Variants in ABLIM2 observed in about 807,000 individuals in gnomAD.
ABLIM2 encodes actin-binding LIM protein 2.
ABLIM2 carries 53 observed loss-of-function variants against 97.7 expected under a neutral mutation model. The observed-to-expected ratio is 0.54, with a 90% CI of 0.44 to 0.68. The LOEUF is 0.68. Among genes scored for constraint, ABLIM2 ranks in the 30% least tolerant of loss-of-function variants. ABLIM2 has a pLI of 0.00. For missense variants in ABLIM2, 835 were observed against 867.2 expected, an observed-to-expected ratio of 0.96 and a Z score of 0.47; for synonymous variants, 361 against 345.8, an observed-to-expected ratio of 1.04 and a Z score of -0.49.
chr4:8,062,018 G>A (rs930569818), intron 6 of ABLIM2, among the ~76,000 whole-genome samples: 6 of 151,666 alleles, frequency 4.0e-5, no homozygotes, highest in Non-Finnish European at 8.8e-5. Flanking sequence ...GCCAACCTCC[G>A]GGCCAGGTGA....
chr4:8,006,772 A>G (rs1761633942), intron 16 of ABLIM2, among the ~76,000 whole-genome samples: 1 of 152,182 alleles, frequency 6.6e-6, no homozygotes, highest in Non-Finnish European at 1.5e-5. Context: ...CGCGTGGACC[A>G]GCCCCATAGC....
At chr4:8,006,884 G>GT in intron 16 of ABLIM2, 1 of 390,558 alleles carries the variant, frequency 2.6e-6, no homozygotes, top group African/African-American at 2.2e-5. Context: ...TGCAGGGGGG[G>GT]GGTGGCTTTC....
At chr4:8,017,361 A>G (rs1042306503) in intron 14 of ABLIM2, among the ~76,000 whole-genome samples, 16 of 151,370 alleles carry the variant, frequency 1.1e-4, no homozygotes, top group African/African-American at 3.9e-4. Context: ...ATCCCGGCTC[A>G]CTGCAACTTC....
intron 3 of ABLIM2, among the ~76,000 whole-genome samples, chr4:8,094,537 C>T (rs576264024): frequency 1.3e-5 from 2 of 152,302 alleles, no homozygotes; most frequent in South Asian, 4.1e-4. Context: ...GGTAATCAGA[C>T]AGGAACAGAA....
intron 17 of ABLIM2, among the ~76,000 whole-genome samples, chr4:7,991,989 C>T (rs934615852): frequency 6.6e-6 from 1 of 152,114 alleles, no homozygotes; most frequent in African/African-American, 2.4e-5. Context: ...TTAGTGGCCT[C>T]GGTTGAGAGG....
chr4:8,118,179 T>C (rs1843634630), intron 1 of ABLIM2, among the ~76,000 whole-genome samples: 1 of 152,230 alleles, frequency 6.6e-6, no homozygotes. Flanking sequence ...GGCTGGACCC[T>C]GAGCCCAGCA....
Position 8,097,067 on chromosome 4 carries a change from G to C in ABLIM2, c.338+32C>G. ...AAGGAGAAAAGGCCCAGAGAGGCAG[G>C]GGAAGCAGAGGCCAGGTGCCCACTT... On this transcript the variant is annotated intron_variant, in intron 3 of 20. Coordinates refer to ENST00000447017, the MANE Select transcript of ABLIM2 (RefSeq NM_001130083.2). The C allele has an allele frequency of 3.2e-6, 5 of 1,580,006 alleles. No individual in the cohort carries two copies. In the South Asian group the frequency reaches 4.6e-5, roughly 15 times the overall value.
rs1820776999 is a variant in ABLIM2, at chr4:8,082,815, C to T, written c.455-2013G>A. 6.6e-6 allele frequency among the ~76,000 whole-genome samples: 1 copy of T among 152,178 alleles called. No individual in the cohort carries two copies. Among genetic ancestry groups the T allele is most frequent in the Non-Finnish European group, 1.5e-5 (1 of 68,032 alleles). On this transcript the variant is annotated intron_variant, in intron 4 of 20. Coordinates refer to ENST00000447017, the MANE Select transcript of ABLIM2 (RefSeq NM_001130083.2). This position sits in a 1 kb window ranked among gnomAD's most constrained non-coding sequence, Gnocchi z 5.6. ...CCTTCTCAAGTCCAGGAGGCGACCC[C>T]CACATCACCCAATCTGCCGCGCTCC...
chr4:8,136,770 C>A (rs1474410285), intron 1 of ABLIM2, among the ~76,000 whole-genome samples: 3 of 152,262 alleles, frequency 2.0e-5, no homozygotes, highest in Non-Finnish European at 2.9e-5. Flanking sequence ...CTGCCTAGTG[C>A]CATGTCCTGC....
chr4:8,138,118 T>A (rs1272271229), intron 1 of ABLIM2, among the ~76,000 whole-genome samples: 1 of 152,022 alleles, frequency 6.6e-6, no homozygotes, highest in African/African-American at 2.4e-5. Context: ...AGTTGTTGAA[T>A]CCACAGAGAC....
At chr4:8,154,985 C>T (rs1051637017) in intron 1 of ABLIM2, among the ~76,000 whole-genome samples, 1 of 152,200 alleles carries the variant, frequency 6.6e-6, no homozygotes, top group Non-Finnish European at 1.5e-5. Context: ...CACCAGCTAT[C>T]GCCAGCCTTA....
Position 7,999,773 on chromosome 4 carries a change from C to T in ABLIM2, c.1619-6846G>A, listed in dbSNP as rs746103804. ...AGGCTCTGCAGGCACCAGAGGCCTA[C>T]CCACTCCATGCCCAGGCTCAGCCAA... is the stretch of plus-strand genomic sequence containing the variant. On this transcript the variant is annotated intron_variant, in intron 16 of 20. Transcript: ENST00000447017. This position sits in a 1 kb window ranked among gnomAD's most constrained non-coding sequence, Gnocchi z 4.4. Among the ~76,000 whole-genome samples, 2 of 152,192 alleles carry T rather than the reference C, an allele frequency of 1.3e-5. No individual in the cohort carries two copies.
chr4:8,067,767 G>C lies in ABLIM2; in HGVS notation c.676-6713C>G, dbSNP rs1009226132. The C allele has an allele frequency of 3.3e-5, 5 of 152,300 alleles. No homozygotes were observed. Among genetic ancestry groups the C allele is most frequent in the African/African-American group, 1.2e-4 (5 of 41,476 alleles). 9.4% of individuals were successfully genotyped at this position (152,300 alleles called of 1,614,324 possible). Reference sequence around the variant, plus strand: ...CCATGGAGGTGACAGATTCCAGCCTGAGATTCTCTCTTCCTGGCTGTGTGA... The same window carrying C: ...CCATGGAGGTGACAGATTCCAGCCTCAGATTCTCTCTTCCTGGCTGTGTGA... On this transcript the variant is annotated intron_variant, in intron 6 of 20. Transcript: ENST00000447017. The surrounding 1 kb of genome is among the most constrained non-coding windows in gnomAD (Gnocchi z 5.4).
chr4:8,041,159 G>A (rs1466723834), intron 9 of ABLIM2, among the ~76,000 whole-genome samples: 2 of 152,252 alleles, frequency 1.3e-5, no homozygotes, highest in Non-Finnish European at 2.9e-5. Flanking sequence ...CCTGGGTCAA[G>A]TGCATGCCCC....
chr4:8,097,715 G>GT (rs1355234439), intron 2 of ABLIM2, among the ~76,000 whole-genome samples: 2 of 152,140 alleles, frequency 1.3e-5, no homozygotes, highest in Non-Finnish European at 2.9e-5. Flanking sequence ...GCTAGACTCT[G>GT]TGCTGGGGGC....
chr4:8,032,535 AT>A lies in ABLIM2; in HGVS notation c.1048-2760del. 7.2e-7 allele frequency: 1 copy of A among 1,397,984 alleles called. No individual in the cohort carries two copies. The highest frequency in any genetic ancestry group is 1.2e-5 in the South Asian group (1 of 83,862). The allele number at this position is 1,397,984 out of a possible 1,614,324, so 86.6% of individuals were successfully genotyped here. A position where few individuals can be genotyped will look rare whatever the true frequency, so the allele number is the denominator to read the frequency against. On this transcript the variant is annotated intron_variant, in intron 10 of 20. Transcript: ENST00000447017. This position sits in a 1 kb window ranked among gnomAD's most constrained non-coding sequence, Gnocchi z 4.3. Reference sequence around the variant, plus strand: ...CACAAGGGCCGTGGCCCCGGGCCCCATGGTGAAGAGCCACCGAGGAGGCCCT... The same window carrying A: ...CACAAGGGCCGTGGCCCCGGGCCCCAGGTGAAGAGCCACCGAGGAGGCCCT...
In ABLIM2 at chr4:8,044,691, CGAACGA is replaced by C. The variant is rs1560909608; in HGVS notation, c.900+467_900+472del. On this transcript the variant is annotated intron_variant, in intron 9 of 20. Transcript: ENST00000447017. This position sits in a 1 kb window ranked among gnomAD's most constrained non-coding sequence, Gnocchi z 4.4. ...AGAGTCTCTCTCTCTCTCTCTCTCT[CGAACGA>C]ACGAAAACGGGATCACATAATTTAC... 2.7e-5 allele frequency among the ~76,000 whole-genome samples: 2 copies of C among 73,712 alleles called. No homozygotes were observed. The highest frequency in any genetic ancestry group is 1.1e-4 in the African/African-American group (2 of 18,476). The allele number at this position is 73,712 out of a possible 152,430, so 48.4% of individuals were successfully genotyped here. A position where few individuals can be genotyped will look rare whatever the true frequency, so the allele number is the denominator to read the frequency against.
chr4:7,993,361 C>G (rs1750502117), intron 16 of ABLIM2, among the ~76,000 whole-genome samples: 2 of 152,252 alleles, frequency 1.3e-5, no homozygotes, highest in South Asian at 4.1e-4. Flanking sequence ...CACCACCAAG[C>G]ACATGGGGCC....
At chr4:7,971,975 G>T (rs1443172307) in intron 20 of ABLIM2, among the ~76,000 whole-genome samples, 1 of 152,156 alleles carries the variant, frequency 6.6e-6, no homozygotes, top group Non-Finnish European at 1.5e-5. Context: ...GCATTCCACC[G>T]GCTCACACTG....
Sources: gnomAD v4.1 joint callset for allele counts (sites outside exome capture counted in the v4.1 genomes callset) on GRCh38, gnomAD v4.1.1 for gene constraint, Gnocchi (gnomAD v3.1) non-coding constraint, MANE v1.5 for transcripts, NCBI Gene and HGNC (gene_info 2026-07-23, HGNC 2026-07-21) for gene names.